Variants in CD96 observed in about 807,000 individuals in gnomAD.
CD96 encodes T-cell surface protein tactile.
A neutral mutation model predicts 71.3 loss-of-function variants in CD96; 70 were observed. That is an observed-to-expected ratio of 0.98 (90% CI 0.81 to 1.20). CD96 has a LOEUF of 1.20. Among genes scored for constraint, CD96 ranks in the 50% most tolerant of loss-of-function variants. The pLI is 0.00. For synonymous variants in CD96, 248 were observed against 233.0 expected, an observed-to-expected ratio of 1.06 and a Z score of -0.59; for missense variants, 742 against 677.5, an observed-to-expected ratio of 1.10 and a Z score of -1.06.
intron 1 of CD96, among the ~76,000 whole-genome samples, chr3:111,543,786 A>G (rs1934236464): frequency 6.6e-6 from 1 of 152,060 alleles, no homozygotes; most frequent in African/African-American, 2.4e-5. Flanking sequence ...ACCTTACCCC[A>G]TCTCTGTCTA....
At chr3:111,629,699 C>T (rs577040610) in intron 10 of CD96, among the ~76,000 whole-genome samples, 3 of 152,282 alleles carry the variant, frequency 2.0e-5, no homozygotes, top group African/African-American at 4.8e-5. Flanking sequence ...TACCCAAAAA[C>T]AACAGAATAT....
intron 14 of CD96, among the ~76,000 whole-genome samples, chr3:111,657,603 T>C (rs1425483581): frequency 1.3e-5 from 2 of 152,048 alleles, no homozygotes; most frequent in Non-Finnish European, 2.9e-5. Context: ...TTTTGAAACA[T>C]TGTTCTGTAT....
chr3:111,656,738 AG>A (rs1226283086), downstream of CD96, among the ~76,000 whole-genome samples: 4 of 152,186 alleles, frequency 2.6e-5, no homozygotes, highest in African/African-American at 7.2e-5. Flanking sequence ...GATATTATTA[AG>A]GGAAAAAGGT....
At chr3:111,565,694 C>T (rs1354120667) in intron 2 of CD96, among the ~76,000 whole-genome samples, 1 of 151,608 alleles carries the variant, frequency 6.6e-6, no homozygotes, top group East Asian at 1.9e-4. Context: ...CCTTAAGGGA[C>T]AGGGGTCTTT....
chr3:111,658,545 G>T (rs1406182562), intron 14 of CD96, among the ~76,000 whole-genome samples: 1 of 152,170 alleles, frequency 6.6e-6, no homozygotes, highest in African/African-American at 2.4e-5. Context: ...ATATATGCAT[G>T]GTCTCTAAGT....
chr3:111,637,989 C>A (rs1939416682), intron 11 of CD96, 90 bp from the exon 12 acceptor site: 1 of 810,848 alleles, frequency 1.2e-6, no homozygotes, highest in Non-Finnish European at 2.2e-6. Flanking sequence ...AAATTGAGTT[C>A]TTTCAAATAA....
chr3:111,649,927 A>G lies in CD96; in HGVS notation c.*121A>G, dbSNP rs1242154214. 1 of 743,164 alleles carries G rather than the reference A, an allele frequency of 1.3e-6. No homozygotes were observed. The highest frequency in any genetic ancestry group is 2.4e-6 in the Non-Finnish European group (1 of 415,778). The allele number at this position is 743,164 out of a possible 1,614,324, so 46.0% of individuals were successfully genotyped here. A position where few individuals can be genotyped will look rare whatever the true frequency, so the allele number is the denominator to read the frequency against. On this transcript the variant is annotated 3_prime_UTR_variant, in exon 14 of 14. Coordinates refer to ENST00000352690, the MANE Select transcript of CD96 (RefSeq NM_005816.5). ...CTTTGCTGCAGCTGAAATGGAAGTC[A>G]GAAGTGAGTGACCTGTTTTCCCAGC...
chr3:111,578,915 TC>T, intron 3 of CD96, 111 bp from the exon 4 acceptor site: 7 of 734,620 alleles, frequency 9.5e-6, no homozygotes, highest in South Asian at 8.7e-5. Context: ...TTTCAATCCT[TC>T]ATTCTTCCTC....
chr3:111,567,481 A>C, intron 2 of CD96, 42 bp from the exon 3 acceptor site: 1 of 1,570,456 alleles, frequency 6.4e-7, no homozygotes, highest in African/African-American at 1.3e-5. Context: ...TTTACAAACC[A>C]ATCAGAGATT....
At chr3:111,626,306 C>CAAAAAAAAA (rs71131971) in intron 10 of CD96, among the ~76,000 whole-genome samples, 3 of 74,700 alleles carry the variant, frequency 4.0e-5, no homozygotes, top group Non-Finnish European at 7.0e-5. Context: ...GACTCCGTCT[C>CAAAAAAAAA]AAAAAAAAAA....
chr3:111,634,284 T>C (rs1007471986), intron 10 of CD96: 3 of 152,198 alleles, frequency 2.0e-5, no homozygotes, highest in Non-Finnish European at 2.9e-5. Context: ...TGCCCATCAA[T>C]AGTGTCTTTG....
At position 111,613,688 on chromosome 3, in the gene CD96, A is replaced by G. The variant is rs192039549; in HGVS notation, c.1180+6896A>G. ...GCAATTACACATTTGTCCAGAAACT[A>G]GATGGCTAAGTCTAAGTCTGTGCTA... On this transcript the variant is annotated intron_variant, in intron 8 of 13. Transcript: ENST00000352690. 9.8e-5 allele frequency among the ~76,000 whole-genome samples: 15 copies of G among 152,382 alleles called. No individual in the cohort carries two copies. The East Asian group carries it at 2.5e-3, about 25-fold the overall frequency.
At chr3:111,574,922 C>T (rs1437257234) in intron 3 of CD96, among the ~76,000 whole-genome samples, 3 of 151,552 alleles carry the variant, frequency 2.0e-5, no homozygotes, top group Non-Finnish European at 4.4e-5. Flanking sequence ...GAACTGGGAC[C>T]ACAGGCATGT....
chr3:111,619,513 C>T (rs190302622), intron 8 of CD96, among the ~76,000 whole-genome samples: 13 of 152,304 alleles, frequency 8.5e-5, no homozygotes, highest in South Asian at 4.1e-4. Context: ...AAACAATCAG[C>T]AAACAAAGCC....
intron 5 of CD96, among the ~76,000 whole-genome samples, chr3:111,587,161 G>A (rs1161957428): frequency 1.3e-5 from 2 of 152,198 alleles, no homozygotes; most frequent in African/African-American, 2.4e-5. Flanking sequence ...GATCTCCTTT[G>A]ACTCCAAGAC....
intron 14 of CD96, among the ~76,000 whole-genome samples, chr3:111,660,798 G>A (rs942156170): frequency 1.3e-5 from 2 of 152,116 alleles, no homozygotes; most frequent in African/African-American, 4.8e-5. Context: ...AATGGTGCTG[G>A]GATAACTGGC....
Position 111,637,235 on chromosome 3 carries a change from C to A in CD96, c.1361C>A (p.Pro454Gln). 1 of 1,590,922 alleles carries A rather than the reference C, an allele frequency of 6.3e-7. No individual in the cohort carries two copies. Among genetic ancestry groups the A allele is most frequent in the Non-Finnish European group, 8.6e-7 (1 of 1,158,860 alleles). Reference sequence around the variant, plus strand: ...CCTAGTGAAACATACAGTTCATCCCCGTCAGGTGCAGGCTCAACACTTCAT... The same window carrying A: ...CCTAGTGAAACATACAGTTCATCCCAGTCAGGTGCAGGCTCAACACTTCAT... The part of the protein sequence containing the change: ...RIPSETYSSS[P>Q]SGAGSTLHDN... The change falls in exon 11 of 14, where the codon CCG becomes CAG. Residue 454 changes from proline (P) to glutamine (Q), a missense_variant. Physicochemically the swap from Pro to Gln is moderately conservative, Grantham distance 76. Transcript: ENST00000352690.
At chr3:111,617,530 C>T (rs1938303311) in intron 8 of CD96, among the ~76,000 whole-genome samples, 1 of 152,166 alleles carries the variant, frequency 6.6e-6, no homozygotes, top group South Asian at 2.1e-4. Context: ...CTATGGGTCT[C>T]CTCATCCAGA....
At chr3:111,625,421 A>G (rs1270335250) in intron 10 of CD96, among the ~76,000 whole-genome samples, 1 of 152,190 alleles carries the variant, frequency 6.6e-6, no homozygotes, top group African/African-American at 2.4e-5. Context: ...ACCCAAATAT[A>G]AGAATTGAAA....
Sources: gnomAD v4.1 joint callset for allele counts (sites outside exome capture counted in the v4.1 genomes callset) on GRCh38, gnomAD v4.1.1 for gene constraint, MANE v1.5 for transcripts, NCBI Gene and HGNC (gene_info 2026-07-23, HGNC 2026-07-21) for gene names.